The following CCDC88C variants were observed in gnomAD, a reference collection of about 807,000 sequenced individuals.
CCDC88C encodes the protein coiled-coil and HOOK domain protein 88C, also known as protein Daple.
A neutral mutation model predicts 198.8 loss-of-function variants in CCDC88C; 131 were observed. The observed-to-expected ratio is 0.66, with a 90% CI of 0.57 to 0.76. The LOEUF is 0.76. Among genes scored for constraint, CCDC88C ranks in the 30% least tolerant of loss-of-function variants. The pLI, the probability that CCDC88C is intolerant of heterozygous loss-of-function variation, is 0.00. For missense variants in CCDC88C, 2,553 were observed against 2,631.6 expected (o/e 0.97, Z 0.65); for synonymous variants, 1,166 against 1,114.7 (o/e 1.05, Z -0.92).
chr14:91,317,577 G>C (rs1892155022), intron 13 of CCDC88C, among the ~76,000 whole-genome samples: 1 of 152,256 alleles, frequency 6.6e-6, no homozygotes, highest in Non-Finnish European at 1.5e-5. Context: ...CATGGACAGA[G>C]AGTGAAGGGA....
At chr14:91,304,312 G>A (rs539432861) in intron 19 of CCDC88C, among the ~76,000 whole-genome samples, 80 of 152,274 alleles carry the variant, frequency 5.3e-4, no homozygotes, top group African/African-American at 1.9e-3. Context: ...GCTGACTGTG[G>A]TGGCTCAGGC....
At chr14:91,384,291 T>A in intron 3 of CCDC88C, 1 of 306,296 alleles carries the variant, frequency 3.3e-6, no homozygotes, top group Non-Finnish European at 6.2e-6. Flanking sequence ...TTTTTTTTTG[T>A]ATTTGAAATT....
At chr14:91,399,329 C>T (rs1886036048) in intron 3 of CCDC88C, among the ~76,000 whole-genome samples, 1 of 152,194 alleles carries the variant, frequency 6.6e-6, no homozygotes, top group African/African-American at 2.4e-5. Context: ...ACAGCACCAA[C>T]GCCCCAACCC....
chr14:91,377,379 T>C (rs1439770507), intron 3 of CCDC88C, among the ~76,000 whole-genome samples: 1 of 152,194 alleles, frequency 6.6e-6, no homozygotes, highest in Admixed American at 6.5e-5. Context: ...TGACGATCTA[T>C]GCCACTTAGC....
intron 3 of CCDC88C, among the ~76,000 whole-genome samples, chr14:91,405,039 G>C (rs1886409334): frequency 6.6e-6 from 1 of 152,050 alleles, no homozygotes; most frequent in African/African-American, 2.4e-5. Flanking sequence ...CAGTAAGCCA[G>C]GAAGGCGGAG....
Position 91,338,585 on chromosome 14 carries a change from A to C in CCDC88C, c.810-15T>G. The C allele has an allele frequency of 6.4e-7, 1 of 1,550,566 alleles. No individual in the cohort carries two copies. The highest frequency in any genetic ancestry group is 8.7e-7 in the Non-Finnish European group (1 of 1,145,014). On this transcript the variant is annotated splice_polypyrimidine_tract_variant and intron_variant, in intron 8 of 29. Coordinates refer to ENST00000389857, the MANE Select transcript of CCDC88C (RefSeq NM_001080414.4). The surrounding 1 kb of genome is among the most constrained non-coding windows in gnomAD (Gnocchi z 4.8). ...TCTTATCCTCCCTGCAGAGGCAGTA[A>C]GGAGAAAGAGTGTGGGAGGCAGCTT... is the stretch of plus-strand genomic sequence containing the variant.
At chr14:91,300,683 C>G (rs562080627) in intron 20 of CCDC88C, among the ~76,000 whole-genome samples, 2 of 152,310 alleles carry the variant, frequency 1.3e-5, no homozygotes, top group African/African-American at 4.8e-5. Context: ...CTCACCGTCC[C>G]CACAACTTTC....
chr14:91,305,152 C>T (rs563467529), intron 19 of CCDC88C, among the ~76,000 whole-genome samples: 4 of 151,812 alleles, frequency 2.6e-5, no homozygotes, highest in African/African-American at 7.3e-5. Context: ...GAGCCGAGAT[C>T]GCACCACTGC....
At chr14:91,403,749 G>A (rs2082354363) in intron 3 of CCDC88C, among the ~76,000 whole-genome samples, 1 of 152,182 alleles carries the variant, frequency 6.6e-6, no homozygotes, top group African/African-American at 2.4e-5. Flanking sequence ...GGCCAACATA[G>A]TGAAACCCTG....
At chr14:91,301,210 AAGAAG>A (rs936314597) in intron 20 of CCDC88C, among the ~76,000 whole-genome samples, 1 of 152,216 alleles carries the variant, frequency 6.6e-6, no homozygotes, top group African/African-American at 2.4e-5. Flanking sequence ...GTCAAATGAG[AAGAAG>A]AGAAAACCAT....
In CCDC88C at chr14:91,411,588, C is replaced by A. The variant is rs572255786; in HGVS notation, c.162-2821G>T. ...ACACGACATAAATATGGTAGCTGGT[C>A]GGAACTTGGAGAGTTCCAAGAGTTC... On this transcript the variant is annotated intron_variant, in intron 2 of 29. Coordinates refer to ENST00000389857, the MANE Select transcript of CCDC88C (RefSeq NM_001080414.4). Among the ~76,000 whole-genome samples, 6 of 152,214 alleles carry A rather than the reference C, an allele frequency of 3.9e-5. No individual in the cohort carries two copies. The East Asian group carries it at 1.2e-3, about 29-fold the overall frequency.
At chr14:91,416,670 A>C in intron 2 of CCDC88C, 68 bp downstream of exon 2, 1 of 1,166,752 alleles carries the variant, frequency 8.6e-7, no homozygotes, top group Non-Finnish European at 1.3e-6. Flanking sequence ...GCAACCTTCC[A>C]CTCCATTTCT....
At chr14:91,342,248 A>G (rs2139867013) in intron 6 of CCDC88C, 132 bp downstream of exon 6, 1 of 593,932 alleles carries the variant, frequency 1.7e-6, no homozygotes, top group East Asian at 2.8e-5. Flanking sequence ...GTGGTGTCTG[A>G]AACCTAAGAT....
Position 91,273,636 on chromosome 14 carries a change from C to T in CCDC88C, c.5076G>A (p.Arg1692=), listed in dbSNP as rs368545903. Residue 1692 remains arginine (R), a synonymous_variant, in exon 30 of 30, where the codon CGG becomes CGA. Coordinates refer to ENST00000389857, the MANE Select transcript of CCDC88C (RefSeq NM_001080414.4). This position sits in a 1 kb window ranked among gnomAD's most constrained non-coding sequence, Gnocchi z 5.6. ...GGAAGTAGTCACTCAGCAGGTCATC[C>T]CGGCAACTGGGAGTGTCCTACGGAG... is the stretch of plus-strand genomic sequence containing the variant. ...SSPTHDTPSC[R]DDLLSDYFRK... The T allele has an allele frequency of 3.4e-6, 5 of 1,479,668 alleles. No individual in the cohort carries two copies. In the African/African-American group the frequency reaches 5.7e-5, roughly 17 times the overall value. The allele number at this position is 1,479,668 out of a possible 1,614,324, so 91.7% of individuals were successfully genotyped here.
Position 91,417,807 on chromosome 14 carries a change from C to T in CCDC88C, c.-117G>A. On this transcript the variant is annotated 5_prime_UTR_variant, in exon 1 of 30. Transcript: ENST00000389857. ...GCGCGGGGCTGCGGCGGCTCGCGCC[C>T]GGGAGACAAAGGCGGGGCGCGCGAG... 1.7e-6 allele frequency: 1 copy of T among 572,664 alleles called. No homozygotes were observed. The highest frequency in any genetic ancestry group is 6.3e-5 in the East Asian group (1 of 15,872). 35.5% of individuals were successfully genotyped at this position (572,664 alleles called of 1,614,324 possible).
intron 3 of CCDC88C, among the ~76,000 whole-genome samples, chr14:91,391,622 T>C (rs1885510059): frequency 6.6e-6 from 1 of 151,998 alleles, no homozygotes; most frequent in Non-Finnish European, 1.5e-5. Context: ...CTACCAAAAA[T>C]ACAAAAATTA....
At position 91,352,101 on chromosome 14, in the gene CCDC88C, G is replaced by A. The variant is rs944691906; in HGVS notation, c.340+7541C>T. ...GGAAAGGGTCCCTCCCAACCACCAC[G>A]TGGAAAACTCAAACATAAAGACCTT... On this transcript the variant is annotated intron_variant, in intron 4 of 29. Transcript: ENST00000389857. The surrounding 1 kb of genome is among the most constrained non-coding windows in gnomAD (Gnocchi z 4.2). 3.9e-5 allele frequency among the ~76,000 whole-genome samples: 6 copies of A among 152,214 alleles called. No homozygotes were observed. Among genetic ancestry groups the A allele is most frequent in the South Asian group, 2.1e-4 (1 of 4,826 alleles).
At position 91,342,293 on chromosome 14, in the gene CCDC88C, C is replaced by T. The variant is rs142787793; in HGVS notation, c.483+87G>A. The T allele has an allele frequency of 5.3e-4, 403 of 757,450 alleles. 1 individual carries two copies. The African/African-American group carries it at 6.2e-3, about 12-fold the overall frequency. The allele number at this position is 757,450 out of a possible 1,614,324, so 46.9% of individuals were successfully genotyped here. On this transcript the variant is annotated intron_variant, in intron 6 of 29. Transcript: ENST00000389857. Reference sequence around the variant, plus strand: ...CGTAATGGGTGATGTATTCTTCAAACGTTTCCACTCATAGAGAAGTTTTGC... The same window carrying T: ...CGTAATGGGTGATGTATTCTTCAAATGTTTCCACTCATAGAGAAGTTTTGC...
intron 3 of CCDC88C, among the ~76,000 whole-genome samples, chr14:91,364,550 G>A (rs1484699886): frequency 6.6e-6 from 1 of 152,062 alleles, no homozygotes; most frequent in African/African-American, 2.4e-5. Context: ...AGGGGAGAGG[G>A]CCCACCCACC....
Sources: allele counts gnomAD v4.1 joint callset (sites outside exome capture counted in the v4.1 genomes callset), GRCh38; gene constraint gnomAD v4.1.1; non-coding constraint Gnocchi (gnomAD v3.1); transcripts MANE v1.5; gene names NCBI Gene and HGNC (gene_info 2026-07-23, HGNC 2026-07-21).